The following PCSK1 variants were observed in gnomAD, a reference collection of about 807,000 sequenced individuals.
The protein encoded by PCSK1 is proprotein convertase subtilisin/kexin type 1.
A neutral mutation model predicts 90.6 loss-of-function variants in PCSK1; 56 were observed. The observed-to-expected ratio is 0.62, with a 90% confidence interval of 0.50 to 0.77. The LOEUF is 0.77. Ranked by LOEUF, PCSK1 falls within the 30% of genes least tolerant of loss-of-function variation. The pLI is 0.00. For missense variants in PCSK1, 801 were observed against 932.6 expected, an observed-to-expected ratio of 0.86 and a Z score of 1.84; for synonymous variants, 348 against 342.4, an observed-to-expected ratio of 1.02 and a Z score of -0.18.
intron 9 of PCSK1, among the ~76,000 whole-genome samples, chr5:96,402,665 C>A (rs79539657): frequency 1.3e-5 from 2 of 152,106 alleles, no homozygotes; most frequent in Non-Finnish European, 2.9e-5. Context: ...GTGTTTTCTC[C>A]GGTTTCAGAC....
intron 10 of PCSK1, among the ~76,000 whole-genome samples, chr5:96,399,476 G>A (rs1350892005): frequency 6.6e-6 from 1 of 152,126 alleles, no homozygotes; most frequent in African/African-American, 2.4e-5. Flanking sequence ...GCTAGAGGGA[G>A]TCTAAGTAAG....
In PCSK1 at chr5:96,415,480, C is replaced by A. The variant is rs191163741; in HGVS notation, c.709+553G>T. ...TTTCTCTAATTCTTGTAAATCGTTT[C>A]TTTATTAAAATGTCCACAGTTGCCC... is the stretch of plus-strand genomic sequence containing the variant. On this transcript the variant is annotated intron_variant, in intron 6 of 13. Transcript: ENST00000311106. Among the ~76,000 whole-genome samples, 5 of 152,300 alleles carry A rather than the reference C, an allele frequency of 3.3e-5. No individual in the cohort carries two copies. In the East Asian group the frequency reaches 7.7e-4, roughly 23 times the overall value.
In PCSK1 at chr5:96,390,886, C is replaced by T. The variant is rs147244631; in HGVS notation, c.*2115G>A. Reference sequence around the variant, plus strand: ...AATATTAAAGCTTCTTGAGAGTGAACCTTTGGCTACAACCCAATGAGTTGG... The same window carrying T: ...AATATTAAAGCTTCTTGAGAGTGAATCTTTGGCTACAACCCAATGAGTTGG... On this transcript the variant is annotated 3_prime_UTR_variant, in exon 14 of 14. Coordinates refer to ENST00000311106, the MANE Select transcript of PCSK1 (RefSeq NM_000439.5). 165 of 152,634 alleles carry T rather than the reference C, an allele frequency of 1.1e-3. No individual in the cohort carries two copies. Among genetic ancestry groups the T allele is most frequent in the African/African-American group, 3.7e-3 (155 of 41,524 alleles). 9.5% of individuals were successfully genotyped at this position (152,634 alleles called of 1,614,324 possible). A position where few individuals can be genotyped will look rare whatever the true frequency, so the allele number is the denominator to read the frequency against.
Position 96,391,683 on chromosome 5 carries a change from G to C in PCSK1, c.*1318C>G, listed in dbSNP as rs1038150191. The C allele has an allele frequency of 1.3e-5, 2 of 152,224 alleles. No individual in the cohort carries two copies. Among genetic ancestry groups the C allele is most frequent in the African/African-American group, 4.8e-5 (2 of 41,450 alleles). 9.4% of individuals were successfully genotyped at this position (152,224 alleles called of 1,614,324 possible). Reference sequence around the variant, plus strand: ...AAGTGCCTGCTCTAGGTAACATGGAGCAGGGTGCCATGGGGACTGAGAGTC... The same window carrying C: ...AAGTGCCTGCTCTAGGTAACATGGACCAGGGTGCCATGGGGACTGAGAGTC... On this transcript the variant is annotated 3_prime_UTR_variant, in exon 14 of 14. Coordinates refer to ENST00000311106, the MANE Select transcript of PCSK1 (RefSeq NM_000439.5).
chr5:96,423,509 A>G, intron 3 of PCSK1, 50 bp from the exon 4 acceptor site: 1 of 1,574,054 alleles, frequency 6.4e-7, no homozygotes, highest in Admixed American at 1.7e-5. Flanking sequence ...TTTGCTTGCT[A>G]CAAAATGGGC....
intron 6 of PCSK1, among the ~76,000 whole-genome samples, chr5:96,414,346 T>G (rs1487684694): frequency 1.3e-5 from 2 of 152,026 alleles, no homozygotes; most frequent in African/African-American, 4.8e-5. Context: ...CCATTTGAGG[T>G]GGGTGCCGTA....
chr5:96,423,214 G>C (rs991818667), intron 4 of PCSK1, 99 bp downstream of exon 4: 2 of 1,180,494 alleles, frequency 1.7e-6, no homozygotes, highest in African/African-American at 3.0e-5. Context: ...CCCAGGGACT[G>C]ACACCAGAGC....
At chr5:96,428,921 A>G (rs1020191071) in intron 2 of PCSK1, among the ~76,000 whole-genome samples, 1 of 152,118 alleles carries the variant, frequency 6.6e-6, no homozygotes, top group African/African-American at 2.4e-5. Flanking sequence ...ATGCTCTTAG[A>G]CTGAATTTGT....
chr5:96,412,705 T>C lies in PCSK1; in HGVS notation c.710-215A>G, dbSNP rs566338668. Among the ~76,000 whole-genome samples, 10 of 149,906 alleles carry C rather than the reference T, an allele frequency of 6.7e-5. No homozygotes were observed. The South Asian group carries it at 2.1e-3, about 31-fold the overall frequency. The stretch of plus-strand genomic sequence containing the variant: ...CCCCATAAGCTTTTTTGTCGCACTT[T>C]AGAGATAATACTATGCAATACCATG... On this transcript the variant is annotated intron_variant, in intron 6 of 13. Coordinates refer to ENST00000311106, the MANE Select transcript of PCSK1 (RefSeq NM_000439.5).
chr5:96,418,295 C>T (rs974063594), intron 5 of PCSK1, among the ~76,000 whole-genome samples: 2 of 152,160 alleles, frequency 1.3e-5, no homozygotes, highest in African/African-American at 4.8e-5. Flanking sequence ...TTTCTATTAT[C>T]TTAGAACAAT....
intron 9 of PCSK1, among the ~76,000 whole-genome samples, chr5:96,401,086 CAAAAAAAAA>C (rs35928091): frequency 9.9e-5 from 7 of 70,576 alleles, no homozygotes; most frequent in South Asian, 1.6e-3. Context: ...GACTCCGTCT[CAAAAAAAAA>C]AAAAAAAAAA....
intron 13 of PCSK1, among the ~76,000 whole-genome samples, chr5:96,394,311 C>A (rs577955042): frequency 2.8e-4 from 42 of 152,174 alleles, no homozygotes; most frequent in Non-Finnish European, 5.7e-4. Context: ...GGAATGTGAA[C>A]GACTTATTTT....
chr5:96,427,291 T>C (rs1372259672), intron 2 of PCSK1, among the ~76,000 whole-genome samples: 1 of 152,242 alleles, frequency 6.6e-6, no homozygotes, highest in African/African-American at 2.4e-5. Flanking sequence ...AACAGTGTTA[T>C]GATTAATGTC....
At chr5:96,432,822 C>T (rs772545020) in intron 1 of PCSK1, 41 bp downstream of exon 1, 3 of 1,583,422 alleles carry the variant, frequency 1.9e-6, no homozygotes, top group Middle Eastern at 2.2e-4. Context: ...CCGCCAGTCC[C>T]CTGGGGCCCC....
Position 96,412,504 on chromosome 5 carries a change from T to C in PCSK1, c.710-14A>G, listed in dbSNP as rs760036183. The C allele has an allele frequency of 6.2e-7, 1 of 1,612,290 alleles. No individual in the cohort carries two copies. Among genetic ancestry groups the C allele is most frequent in the South Asian group, 1.1e-5 (1 of 91,030 alleles). ...GCATTCTTATGCCTGAGAAACAAAA[T>C]AAACAAAGACACACAAAGGTTGATG... On this transcript the variant is annotated splice_polypyrimidine_tract_variant and intron_variant, in intron 6 of 13. Transcript: ENST00000311106.
intron 13 of PCSK1, among the ~76,000 whole-genome samples, 156 bp from the exon 14 acceptor site, chr5:96,393,534 T>A (rs1174396694): frequency 3.9e-5 from 6 of 152,140 alleles, no homozygotes; most frequent in Non-Finnish European, 8.8e-5. Flanking sequence ...GGACTTGGGC[T>A]TCAACCCTCA....
rs747110793 is a variant in PCSK1, at chr5:96,393,063, A to G, written c.2200T>C (p.Tyr734His). 1 of 1,614,036 alleles carries G rather than the reference A, an allele frequency of 6.2e-7. No homozygotes were observed. The highest frequency in any genetic ancestry group is 1.1e-5 in the South Asian group (1 of 91,080). Reference sequence around the variant, plus strand: ...AGCAGCCGGTCGTCTCTGTGCTTGTAAGGTTTAGTGTTATAAAAAACATCA... The same window carrying G: ...AGCAGCCGGTCGTCTCTGTGCTTGTGAGGTTTAGTGTTATAAAAAACATCA... ...YVDVFYNTKPYKHRDDRLLQA... is the reference protein window; with the variant it reads ...YVDVFYNTKPHKHRDDRLLQA... Residue 734 changes from tyrosine to histidine, a missense_variant, in exon 14 of 14, where the codon TAC becomes CAC. Coordinates refer to ENST00000311106, the MANE Select transcript of PCSK1 (RefSeq NM_000439.5).
rs1406258840 is a variant in PCSK1, at chr5:96,394,566, G to T, written c.1884+298C>A. Among the ~76,000 whole-genome samples the T allele has an allele frequency of 3.9e-5, 6 of 152,142 alleles. No homozygotes were observed. In the East Asian group the frequency reaches 1.2e-3, roughly 29 times the overall value. On this transcript the variant is annotated intron_variant, in intron 13 of 13. Coordinates refer to ENST00000311106, the MANE Select transcript of PCSK1 (RefSeq NM_000439.5). Reference sequence around the variant, plus strand: ...TACAGTACAAATGTTAGATATATGTGATTGGGCATAAAGATAACTTTTTTT... The same window carrying T: ...TACAGTACAAATGTTAGATATATGTTATTGGGCATAAAGATAACTTTTTTT...
At chr5:96,420,655 A>G (rs1761095231) in intron 5 of PCSK1, among the ~76,000 whole-genome samples, 1 of 147,928 alleles carries the variant, frequency 6.8e-6, no homozygotes, top group Non-Finnish European at 1.5e-5. Context: ...GGCTTTCTGG[A>G]GGGAAGACTA....
Sources: allele counts gnomAD v4.1 joint callset (sites outside exome capture counted in the v4.1 genomes callset), GRCh38; gene constraint gnomAD v4.1.1; transcripts MANE v1.5; gene names NCBI Gene and HGNC (gene_info 2026-07-23, HGNC 2026-07-21).